SATB1: variants seen among roughly 807,000 people sequenced by gnomAD.
SATB1 encodes SATB homeobox 1, also known as DNA-binding protein SATB1.
In SATB1, 11 loss-of-function variants were observed where a neutral mutation model predicts 86.9. The observed-to-expected ratio is 0.13, with a 90% CI of 0.08 to 0.21. SATB1 has a LOEUF of 0.21. Ranked by LOEUF, SATB1 falls within the 10% of genes least tolerant of loss-of-function variation. SATB1 has a pLI of 1.00. For synonymous variants in SATB1, 357 were observed against 357.2 expected (o/e 1.00, Z 0.01); for missense variants, 551 against 937.6 (o/e 0.59, Z 5.39).
intron 5 of SATB1, among the ~76,000 whole-genome samples, chr3:18,405,244 T>C (rs1425486069): frequency 6.6e-6 from 1 of 152,026 alleles, no homozygotes; most frequent in Non-Finnish European, 1.5e-5. Context: ...GTTTCCTGAT[T>C]CTGAATCTTA....
intron 9 of SATB1, among the ~76,000 whole-genome samples, chr3:18,358,640 T>G (rs932304740): frequency 6.6e-6 from 1 of 152,028 alleles, no homozygotes; most frequent in African/African-American, 2.4e-5. Flanking sequence ...AAGACGGGTT[T>G]TAAAAAGGAA....
chr3:18,401,118 A>G (rs1378647208), intron 5 of SATB1, among the ~76,000 whole-genome samples: 1 of 150,362 alleles, frequency 6.7e-6, no homozygotes, highest in Non-Finnish European at 1.5e-5. Context: ...CTCCTGCAGC[A>G]GAGCACTCAT....
rs1559399758 is a variant in SATB1, at chr3:18,363,110, A to G, written c.1576-10915T>C. Reference sequence around the variant, plus strand: ...TATGCATATTTAGGGACTGGGAATTAAAAATTTAAATATTCCCTCTATGAT... The same window carrying G: ...TATGCATATTTAGGGACTGGGAATTGAAAATTTAAATATTCCCTCTATGAT... On this transcript the variant is annotated intron_variant, in intron 9 of 10. Transcript: ENST00000338745. Among the ~76,000 whole-genome samples the G allele has an allele frequency of 2.0e-5, 3 of 152,166 alleles. 1 individual carries two copies. The South Asian group carries it at 6.2e-4, about 32-fold the overall frequency.
At chr3:18,385,323 G>A (rs1274006979) in intron 8 of SATB1, among the ~76,000 whole-genome samples, 5 of 152,106 alleles carry the variant, frequency 3.3e-5, no homozygotes, top group African/African-American at 1.2e-4. Context: ...AGTTAAACAT[G>A]TAAGAAAACA....
rs1357113378 is a variant in SATB1 at position 18,378,087 on chromosome 3, A to G, written c.1575+83T>C. On this transcript the variant is annotated intron_variant, in intron 9 of 10. Coordinates refer to ENST00000338745, the MANE Select transcript of SATB1 (RefSeq NM_002971.6). ...AGAGGCCTCTCCGTGATGCAAGTTC[A>G]TACTGAAAATAGACACTCCTTTTAA... 7 of 1,194,796 alleles carry G rather than the reference A, an allele frequency of 5.9e-6. No homozygotes were observed. The East Asian group carries it at 1.3e-4, about 23-fold the overall frequency. 74.0% of individuals were successfully genotyped at this position (1,194,796 alleles called of 1,614,324 possible).
chr3:18,370,360 C>T (rs771366282), intron 9 of SATB1, among the ~76,000 whole-genome samples: 2 of 151,822 alleles, frequency 1.3e-5, no homozygotes, highest in Non-Finnish European at 2.9e-5. Context: ...CTTTCAATTC[C>T]CCTTTCCCTC....
chr3:18,427,038 C>A (rs1698728703), upstream of SATB1, among the ~76,000 whole-genome samples: 1 of 152,096 alleles, frequency 6.6e-6, no homozygotes, highest in African/African-American at 2.4e-5. Flanking sequence ...CAAACCCAAG[C>A]CTTGAGCAAA....
At chr3:18,375,115 A>G (rs1459193422) in intron 9 of SATB1, among the ~76,000 whole-genome samples, 2 of 152,148 alleles carry the variant, frequency 1.3e-5, no homozygotes, top group Non-Finnish European at 2.9e-5. Context: ...CAATGAAGAA[A>G]GGAAAGCCCT....
chr3:18,425,819 G>A (rs1162003237), upstream of SATB1, among the ~76,000 whole-genome samples: 3 of 135,910 alleles, frequency 2.2e-5, no homozygotes, highest in Admixed American at 7.2e-5. Flanking sequence ...GAGTGGGAGG[G>A]AGGAGGGGCA....
upstream of SATB1, among the ~76,000 whole-genome samples, chr3:18,428,034 A>G (rs1390318584): frequency 1.3e-5 from 2 of 152,250 alleles, no homozygotes; most frequent in South Asian, 2.1e-4. Flanking sequence ...ATAAAAATAA[A>G]TAACAAAAAA....
At chr3:18,403,041 A>G (rs977314538) in intron 5 of SATB1, among the ~76,000 whole-genome samples, 7 of 152,156 alleles carry the variant, frequency 4.6e-5, no homozygotes, top group Admixed American at 2.6e-4. Flanking sequence ...ATAGCAAGAG[A>G]TTGTTTTTGA....
upstream of SATB1, among the ~76,000 whole-genome samples, chr3:18,442,175 G>GC (rs1463275408): frequency 1.3e-5 from 2 of 150,340 alleles, no homozygotes; most frequent in South Asian, 4.3e-4. Context: ...TCTTCCCCCC[G>GC]CCCCCCATCC....
Position 18,352,362 on chromosome 3 carries a change from G to A in SATB1, c.1576-167C>T. Reference sequence around the variant, plus strand: ...AACTTGTTAAGAGAGGTTATCTGTGGCTGTCAAGGAGGCAGACTCTGTTTC... The same window carrying A: ...AACTTGTTAAGAGAGGTTATCTGTGACTGTCAAGGAGGCAGACTCTGTTTC... On this transcript the variant is annotated intron_variant, in intron 9 of 10. Coordinates refer to ENST00000338745, the MANE Select transcript of SATB1 (RefSeq NM_002971.6). The surrounding 1 kb of genome is among the most constrained non-coding windows in gnomAD (Gnocchi z 4.1). The A allele has an allele frequency of 1.7e-6, 1 of 599,112 alleles. No homozygotes were observed. Among genetic ancestry groups the A allele is most frequent in the Non-Finnish European group, 2.9e-6 (1 of 342,004 alleles). The allele number at this position is 599,112 out of a possible 1,614,324, so 37.1% of individuals were successfully genotyped here. A position where few individuals can be genotyped will look rare whatever the true frequency, so the allele number is the denominator to read the frequency against.
intron 7 of SATB1, among the ~76,000 whole-genome samples, chr3:18,389,261 GTTTTT>G (rs35192555): frequency 1.5e-5 from 2 of 129,722 alleles, no homozygotes; most frequent in South Asian, 2.5e-4. Context: ...AAACCTTTGG[GTTTTT>G]TTTTTTTTTT....
At chr3:18,404,397 T>G (rs1697417057) in intron 5 of SATB1, among the ~76,000 whole-genome samples, 1 of 152,028 alleles carries the variant, frequency 6.6e-6, no homozygotes, top group Admixed American at 6.6e-5. Context: ...AAACTCCAGT[T>G]GTCATAGTTA....
At chr3:18,405,236 T>C (rs916901531) in intron 5 of SATB1, among the ~76,000 whole-genome samples, 8 of 152,140 alleles carry the variant, frequency 5.3e-5, no homozygotes, top group East Asian at 1.9e-4. Flanking sequence ...ACAAAATTGT[T>C]TCCTGATTCT....
At chr3:18,412,231 G>A (rs1054634366) in intron 5 of SATB1, among the ~76,000 whole-genome samples, 1 of 152,032 alleles carries the variant, frequency 6.6e-6, no homozygotes, top group Non-Finnish European at 1.5e-5. Context: ...TCAAAAGGAG[G>A]AGCCTAGGAA....
chr3:18,349,252 G>C lies in SATB1; in HGVS notation c.2210C>G (p.Thr737Ser). 1 of 1,614,152 alleles carries C rather than the reference G, an allele frequency of 6.2e-7. No homozygotes were observed. The highest frequency in any genetic ancestry group is 1.1e-5 in the South Asian group (1 of 91,082). ...DLEESVQDKN[T>S]NTLFSVKLEE... The stretch of plus-strand genomic sequence containing the variant: ...TAGTTTCACTGAAAAAAGGGTGTTA[G>C]TATTTTTATCTTGGACACTCTCTTC... The change falls in exon 11 of 11, where the codon ACT (threonine) becomes AGT (serine). Residue 737 changes from threonine (T) to serine (S), a missense_variant. Thr to Ser is a moderately conservative substitution (Grantham distance 58, BLOSUM62 1). Around this residue, in one of 8 missense-constraint regions of SATB1, gnomAD observed 41 missense variants for 38.9 expected, o/e 1.06. Transcript: ENST00000338745. This position sits in a 1 kb window ranked among gnomAD's most constrained non-coding sequence, Gnocchi z 5.5.
rs1382354832 is a variant in SATB1 at position 18,372,063 on chromosome 3, T to A, written c.1575+6107A>T. Among the ~76,000 whole-genome samples, 5 of 152,240 alleles carry A rather than the reference T, an allele frequency of 3.3e-5. No individual in the cohort carries two copies. The East Asian group carries it at 5.8e-4, about 18-fold the overall frequency. On this transcript the variant is annotated intron_variant, in intron 9 of 10. Transcript: ENST00000338745. Reference sequence around the variant, plus strand: ...ATAGAATATTCTTAGTTTACACTTTTCAGCTTACACTAACATTTTAGGACA... The same window carrying A: ...ATAGAATATTCTTAGTTTACACTTTACAGCTTACACTAACATTTTAGGACA...
Sources: gnomAD v4.1 joint callset for allele counts (sites outside exome capture counted in the v4.1 genomes callset) on GRCh38, gnomAD v4.1.1 for gene constraint, gnomAD v4.1.1 regional missense constraint, Gnocchi (gnomAD v3.1) non-coding constraint, MANE v1.5 for transcripts, NCBI Gene and HGNC (gene_info 2026-07-23, HGNC 2026-07-21) for gene names.